The following PDE4D variants were observed in gnomAD, a reference collection of about 807,000 sequenced individuals.
The protein encoded by PDE4D is 3',5'-cyclic-AMP phosphodiesterase 4D.
In PDE4D, 24 loss-of-function variants were observed where a neutral mutation model predicts 87.4. That is an observed-to-expected ratio of 0.27 (90% CI 0.20 to 0.39). PDE4D has a LOEUF of 0.39. PDE4D is among the 10% of genes least tolerant of loss of function. The probability of loss-of-function intolerance (pLI) is 1.00; values close to 1 mark genes in which losing one functional copy is unlikely to be tolerated. For missense variants in PDE4D, 714 were observed against 1,041.0 expected (o/e 0.69, Z 4.32); for synonymous variants, 384 against 383.2 (o/e 1.00, Z -0.02).
chr5:60,118,489 A>G (rs888659320), intron 2 of PDE4D, among the ~76,000 whole-genome samples: 2 of 151,902 alleles, frequency 1.3e-5, no homozygotes, highest in Non-Finnish European at 2.9e-5. Context: ...CAGGCACTAT[A>G]TATGGCAGAT....
At chr5:59,994,607 A>G (rs986795993) in intron 2 of PDE4D, among the ~76,000 whole-genome samples, 4 of 151,852 alleles carry the variant, frequency 2.6e-5, no homozygotes, top group African/African-American at 9.7e-5. Context: ...ACAACCCCCT[A>G]TTTCTCTTCC....
intron 2 of PDE4D, among the ~76,000 whole-genome samples, chr5:60,040,710 T>C (rs552230943): frequency 6.6e-6 from 1 of 152,312 alleles, no homozygotes; most frequent in South Asian, 2.1e-4. Context: ...AATGATACAT[T>C]ATAATATAAT....
chr5:59,086,030 C>G (rs922578942), intron 5 of PDE4D, among the ~76,000 whole-genome samples: 2 of 152,142 alleles, frequency 1.3e-5, no homozygotes, highest in Non-Finnish European at 2.9e-5. Context: ...TCCGTCTATA[C>G]AGAAGAGTAA....
At chr5:59,207,637 A>C (rs1310747294) in intron 2 of PDE4D, among the ~76,000 whole-genome samples, 1 of 152,042 alleles carries the variant, frequency 6.6e-6, no homozygotes. Context: ...TTCTGGCAGG[A>C]ATTCAGTGTC....
At chr5:59,924,512 G>T (rs903674770) in intron 3 of PDE4D, among the ~76,000 whole-genome samples, 2 of 151,314 alleles carry the variant, frequency 1.3e-5, no homozygotes, top group Non-Finnish European at 2.9e-5. Flanking sequence ...AATATATAGT[G>T]GCGCTCCAAA....
chr5:60,471,191 T>C (rs1291477054), intron 1 of PDE4D, among the ~76,000 whole-genome samples: 1 of 152,130 alleles, frequency 6.6e-6, no homozygotes, highest in African/African-American at 2.4e-5. Context: ...AGGAAGTCAC[T>C]GCAGATGTGG....
At chr5:59,485,367 A>G (rs780900180) in intron 1 of PDE4D, among the ~76,000 whole-genome samples, 6 of 152,120 alleles carry the variant, frequency 3.9e-5, no homozygotes, top group Non-Finnish European at 8.8e-5. Flanking sequence ...TAACACAGAG[A>G]CATCTGGCCC....
chr5:60,243,849 A>C (rs1157815098), intron 1 of PDE4D, among the ~76,000 whole-genome samples: 2 of 152,008 alleles, frequency 1.3e-5, no homozygotes, highest in Non-Finnish European at 2.9e-5. Context: ...CTAGTATCAC[A>C]CTAAAGGAAG....
intron 1 of PDE4D, among the ~76,000 whole-genome samples, chr5:59,353,366 T>C (rs1274053482): frequency 6.6e-6 from 1 of 152,068 alleles, no homozygotes; most frequent in Non-Finnish European, 1.5e-5. Context: ...TCCCCATTTT[T>C]TTTTTTTTAG....
At chr5:59,173,621 C>A (rs1318003175) in intron 5 of PDE4D, among the ~76,000 whole-genome samples, 1 of 152,186 alleles carries the variant, frequency 6.6e-6, no homozygotes, top group Non-Finnish European at 1.5e-5. Context: ...GTATCATCAG[C>A]ATTTTTCGAT....
chr5:59,335,177 T>C (rs537314094), intron 1 of PDE4D, among the ~76,000 whole-genome samples: 68 of 152,310 alleles, frequency 4.5e-4, no homozygotes, highest in African/African-American at 1.4e-3. Context: ...ACCATGTCGG[T>C]ATGTTTACCA....
At chr5:59,776,640 G>C (rs1764107474) in intron 1 of PDE4D, among the ~76,000 whole-genome samples, 1 of 152,132 alleles carries the variant, frequency 6.6e-6, no homozygotes. Flanking sequence ...GGAGAGCAAT[G>C]CCTAAGTTAA....
At chr5:59,868,968 A>G (rs1747429704) in intron 1 of PDE4D, among the ~76,000 whole-genome samples, 1 of 152,224 alleles carries the variant, frequency 6.6e-6, no homozygotes, top group East Asian at 1.9e-4. Context: ...ATCTTTTGTA[A>G]GGGGCTAACA....
In PDE4D at chr5:59,776,441, T is replaced by C. The variant is rs190113115; in HGVS notation, c.455+116727A>G. Among the ~76,000 whole-genome samples the C allele has an allele frequency of 5.0e-3, 756 of 152,336 alleles. 11 individuals carry two copies. Among genetic ancestry groups the C allele is most frequent in the African/African-American group, 0.017 (718 of 41,584 alleles). ...ATGCGGTGTTATTATATACCACAAA[T>C]GCTTTTAGAAGAAAAATGAAAAACA... is the stretch of plus-strand genomic sequence containing the variant. On this transcript the variant is annotated intron_variant, in intron 1 of 14. Coordinates refer to ENST00000340635, the MANE Select transcript of PDE4D (RefSeq NM_001104631.2).
chr5:60,369,250 G>A (rs1760806870), intron 1 of PDE4D, among the ~76,000 whole-genome samples: 1 of 152,008 alleles, frequency 6.6e-6, no homozygotes, highest in South Asian at 2.1e-4. Flanking sequence ...GAAGCCACCA[G>A]GGCAGGTGCT....
At chr5:59,385,642 T>A (rs950629084) in intron 1 of PDE4D, among the ~76,000 whole-genome samples, 4 of 152,118 alleles carry the variant, frequency 2.6e-5, no homozygotes, top group Non-Finnish European at 5.9e-5. Context: ...TGCCCAAGAT[T>A]ATACCCATTT....
chr5:59,490,239 T>A (rs2153659830), intron 1 of PDE4D, among the ~76,000 whole-genome samples: 1 of 152,254 alleles, frequency 6.6e-6, no homozygotes, highest in South Asian at 2.1e-4. Flanking sequence ...AGTAGGTGGT[T>A]GAACTTAAAC....
At position 60,192,071 on chromosome 5, in the gene PDE4D, T is replaced by C. The variant is rs1785240178; in HGVS notation, c.-89-6384A>G. Among the ~76,000 whole-genome samples, 4 of 152,230 alleles carry C rather than the reference T, an allele frequency of 2.6e-5. No individual in the cohort carries two copies. In the South Asian group the frequency reaches 8.3e-4, roughly 32 times the overall value. On this transcript the variant is annotated intron_variant, in intron 1 of 16. Transcript: ENST00000502484. ...TTTTGCCTTTGCCATAGTATTAATA[T>C]GTAACATACATTGTACCATTTACAA...
intron 1 of PDE4D, among the ~76,000 whole-genome samples, chr5:59,646,552 AAGTGTTGGTAGT>A (rs955438085): frequency 5.3e-5 from 8 of 152,172 alleles, no homozygotes; most frequent in African/African-American, 1.9e-4. Flanking sequence ...TTTGCCTTGT[AAGTGTTGGTAGT>A]ATATGCATAG....
Sources: gnomAD v4.1 joint callset for allele counts (sites outside exome capture counted in the v4.1 genomes callset) on GRCh38, gnomAD v4.1.1 for gene constraint, MANE v1.5 for transcripts, NCBI Gene and HGNC (gene_info 2026-07-23, HGNC 2026-07-21) for gene names.